Variants in UCKL1 observed in about 807,000 individuals in gnomAD.
UCKL1 encodes uridine-cytidine kinase-like 1.
A neutral mutation model predicts 59.2 loss-of-function variants in UCKL1; 65 were observed. That is an observed-to-expected ratio of 1.10 (90% confidence interval 0.90 to 1.35). UCKL1 has a LOEUF of 1.35. UCKL1 is among the 40% of genes most tolerant of loss of function. The probability of loss-of-function intolerance (pLI) is 0.00; values close to 1 mark genes in which losing one functional copy is unlikely to be tolerated. For synonymous variants in UCKL1, 410 were observed against 323.1 expected (o/e 1.27, Z -2.88); for missense variants, 703 against 784.3 (o/e 0.90, Z 1.24).
At chr20:63,944,024 G>T (rs1444507534) in intron 7 of UCKL1, among the ~76,000 whole-genome samples, 1 of 152,190 alleles carries the variant, frequency 6.6e-6, no homozygotes, top group African/African-American at 2.4e-5. Flanking sequence ...GTGACCCCCT[G>T]AGAAAGAGAG....
At chr20:63,946,894 A>G (rs1008307485) in intron 1 of UCKL1, among the ~76,000 whole-genome samples, 6 of 151,946 alleles carry the variant, frequency 3.9e-5, no homozygotes, top group African/African-American at 1.4e-4. Context: ...CCTGGCCAAC[A>G]TGGTGAAGAC....
At chr20:63,943,586 A>C in intron 8 of UCKL1, 67 bp downstream of exon 8, 2 of 1,609,986 alleles carry the variant, frequency 1.2e-6, no homozygotes, top group Non-Finnish European at 1.7e-6. Flanking sequence ...ATCACAGCCC[A>C]GACCCCAGAG....
intron 1 of UCKL1, 112 bp from the exon 2 acceptor site, chr20:63,946,755 A>T: frequency 8.7e-7 from 1 of 1,150,356 alleles, no homozygotes; most frequent in Non-Finnish European, 1.2e-6. Flanking sequence ...GGCATGGCTG[A>T]GGCGGGCAGG....
chr20:63,946,350 C>T lies in UCKL1; in HGVS notation c.305-83G>A, dbSNP rs917634872. Reference sequence around the variant, plus strand: ...GTCCCAGAGGTGCCCATCCCGCTGCCGCTGCCTGCGGTTGCCCGGCTTCCT... The same window carrying T: ...GTCCCAGAGGTGCCCATCCCGCTGCTGCTGCCTGCGGTTGCCCGGCTTCCT... On this transcript the variant is annotated intron_variant, in intron 2 of 14. Transcript: ENST00000354216. 3.5e-5 allele frequency: 54 copies of T among 1,532,802 alleles called. 1 individual carries two copies. Among genetic ancestry groups the T allele is most frequent in the South Asian group, 1.9e-4 (16 of 83,700 alleles). 95.0% of individuals were successfully genotyped at this position (1,532,802 alleles called of 1,614,324 possible). A position where few individuals can be genotyped will look rare whatever the true frequency, so the allele number is the denominator to read the frequency against.
intron 1 of UCKL1, chr20:63,955,877 C>G (rs1053440134): frequency 6.1e-6 from 1 of 163,722 alleles, no homozygotes; most frequent in African/African-American, 2.4e-5. Context: ...ATCCTAAGCC[C>G]TGGCCTCGCG....
intron 8 of UCKL1, chr20:63,941,533 C>A: frequency 2.7e-6 from 1 of 364,002 alleles, no homozygotes; most frequent in Non-Finnish European, 5.5e-6. Context: ...GGGCACAGGG[C>A]GGGCTCACAC....
In UCKL1 at chr20:63,944,654, G is replaced by A. The variant is rs1357318977; in HGVS notation, c.735C>T (p.Arg245=). The change falls in exon 6 of 15, where the codon CGC becomes CGT. Residue 245 remains arginine (R), a synonymous_variant. Coordinates refer to ENST00000354216, the MANE Select transcript of UCKL1 (RefSeq NM_017859.4). ...TGATGACACCCTCGATGTCCCGGCC[G>A]CGCTCACTGATGTCCCGGCGCAGCC... The part of the protein sequence containing the change: ...VRRLRRDISE[R]GRDIEGVIKQ... 1.7e-5 allele frequency: 28 copies of A among 1,612,874 alleles called. No individual in the cohort carries two copies. The highest frequency in any genetic ancestry group is 3.3e-5 in the Admixed American group (2 of 60,006).
chr20:63,950,778 C>T (rs1041207134), intron 1 of UCKL1: 7 of 1,539,306 alleles, frequency 4.5e-6, no homozygotes, highest in Non-Finnish European at 5.3e-6. Flanking sequence ...GCTCCAAGGG[C>T]CCGGCACCCT....
chr20:63,954,187 G>T, intron 1 of UCKL1: 1 of 153,006 alleles, frequency 6.5e-6, no homozygotes, highest in Non-Finnish European at 1.5e-5. Flanking sequence ...CACCACTCAG[G>T]AAACCTTCCC....
In UCKL1 at chr20:63,940,309, A is replaced by G; in HGVS notation, c.1411-3T>C. On this transcript the variant is annotated splice_region_variant and splice_polypyrimidine_tract_variant and intron_variant, in intron 13 of 14. Transcript: ENST00000354216. ...TTGTCCTCAGGCACGTCGTGGTCCTACCGAGTGTATTGGGCAGGTAAATCC... is the reference window on the plus strand; with the variant it reads ...TTGTCCTCAGGCACGTCGTGGTCCTGCCGAGTGTATTGGGCAGGTAAATCC... 2 of 1,612,604 alleles carry G rather than the reference A, an allele frequency of 1.2e-6. No individual in the cohort carries two copies. Among genetic ancestry groups the G allele is most frequent in the Non-Finnish European group, 1.7e-6 (2 of 1,179,938 alleles).
chr20:63,946,056 C>A, intron 3 of UCKL1, 81 bp from the exon 4 acceptor site: 1 of 1,609,330 alleles, frequency 6.2e-7, no homozygotes, highest in Non-Finnish European at 8.5e-7. Context: ...CTAGGCCTCC[C>A]AGGAGCAGCC....
At chr20:63,948,696 G>T (rs2057054843) in intron 1 of UCKL1, among the ~76,000 whole-genome samples, 1 of 119,734 alleles carries the variant, frequency 8.4e-6, no homozygotes, top group Non-Finnish European at 1.8e-5. Context: ...AGACCGAGGG[G>T]GCGTGTAAGG....
intron 5 of UCKL1, among the ~76,000 whole-genome samples, 199 bp from the exon 6 acceptor site, chr20:63,944,933 CA>C (rs906995722): frequency 6.6e-5 from 10 of 152,028 alleles, no homozygotes; most frequent in African/African-American, 2.2e-4. Context: ...GCCACTTCCC[CA>C]GGGCACCCTG....
Position 63,940,719 on chromosome 20 carries a change from G to A in UCKL1, c.1180-3C>T, listed in dbSNP as rs752299346. ...CGCAGAATGGACACACCGGTGATCTGCGGGGAGGGGAGGCTAAGCGCCCAC... is the reference window on the plus strand; with the variant it reads ...CGCAGAATGGACACACCGGTGATCTACGGGGAGGGGAGGCTAAGCGCCCAC... On this transcript the variant is annotated splice_polypyrimidine_tract_variant and splice_region_variant and intron_variant, in intron 11 of 14. Transcript: ENST00000354216. The A allele has an allele frequency of 1.2e-6, 2 of 1,607,478 alleles. No homozygotes were observed. The highest frequency in any genetic ancestry group is 2.2e-5 in the South Asian group (2 of 90,544).
At chr20:63,944,253 A>C in intron 7 of UCKL1, 144 bp downstream of exon 7, 1 of 785,884 alleles carries the variant, frequency 1.3e-6, no homozygotes, top group South Asian at 1.8e-5. Context: ...CTGGCCAAGC[A>C]GGCTCAGGAC....
rs562677462 is a variant in UCKL1 at position 63,944,215 on chromosome 20, G to A, written c.906+182C>T. Among the ~76,000 whole-genome samples the A allele has an allele frequency of 3.9e-5, 6 of 152,320 alleles. No individual in the cohort carries two copies. The South Asian group carries it at 1.0e-3, about 26-fold the overall frequency. On this transcript the variant is annotated intron_variant, in intron 7 of 14. Coordinates refer to ENST00000354216, the MANE Select transcript of UCKL1 (RefSeq NM_017859.4). Reference sequence around the variant, plus strand: ...GAACCCAGGCCCTGCACAGCACAACGGGATGGGGTCTGGGCTGGACAATCT... The same window carrying A: ...GAACCCAGGCCCTGCACAGCACAACAGGATGGGGTCTGGGCTGGACAATCT...
intron 1 of UCKL1, among the ~76,000 whole-genome samples, chr20:63,952,898 G>A (rs1283803606): frequency 6.6e-6 from 1 of 152,248 alleles, no homozygotes; most frequent in African/African-American, 2.4e-5. Flanking sequence ...AGCTCATAAA[G>A]TCCAAGGCAG....
intron 1 of UCKL1, among the ~76,000 whole-genome samples, chr20:63,950,206 C>T (rs1346177809): frequency 6.6e-6 from 1 of 152,202 alleles, no homozygotes; most frequent in Non-Finnish European, 1.5e-5. Context: ...CGAGCCCAGC[C>T]CCACTACCTT....
intron 8 of UCKL1, among the ~76,000 whole-genome samples, chr20:63,943,255 G>C (rs1000157374): frequency 7.9e-5 from 12 of 152,232 alleles, no homozygotes; most frequent in African/African-American, 2.7e-4. Flanking sequence ...TGACTGGTCC[G>C]TGAGGCTGGG....
Sources: gnomAD v4.1 joint callset for allele counts (sites outside exome capture counted in the v4.1 genomes callset) on GRCh38, gnomAD v4.1.1 for gene constraint, MANE v1.5 for transcripts, NCBI Gene and HGNC (gene_info 2026-07-23, HGNC 2026-07-21) for gene names.